The following SPRED2 variants were observed in gnomAD, a reference collection of about 807,000 sequenced individuals.
SPRED2 encodes sprouty related EVH1 domain containing 2.
In SPRED2, 47 loss-of-function variants were observed where a neutral mutation model predicts 43.0. The ratio of observed to expected loss-of-function variants is 1.09; its 90% CI spans 0.87 to 1.40. The LOEUF is 1.40. SPRED2 is among the 40% of genes most tolerant of loss of function. The pLI is 0.00. For synonymous variants in SPRED2, 225 were observed against 225.7 expected (o/e 1.00, Z 0.03); for missense variants, 561 against 586.4 (o/e 0.96, Z 0.45).
intron 5 of SPRED2, among the ~76,000 whole-genome samples, chr2:65,315,617 A>G (rs575100644): frequency 1.3e-5 from 2 of 152,360 alleles, no homozygotes; most frequent in East Asian, 3.9e-4. Flanking sequence ...ACAGTAAGGA[A>G]AGTAAAAAAG....
chr2:65,340,915 T>A (rs1674158659), intron 2 of SPRED2, among the ~76,000 whole-genome samples: 1 of 151,848 alleles, frequency 6.6e-6, no homozygotes, highest in African/African-American at 2.4e-5. Flanking sequence ...TAGAGGGGGG[T>A]TCCTCAATAA....
intron 4 of SPRED2, among the ~76,000 whole-genome samples, chr2:65,327,743 A>G: frequency 1.5e-5 from 1 of 67,654 alleles, no homozygotes; most frequent in Admixed American, 2.1e-4. Flanking sequence ...TTTTTTTTTG[A>G]GACGGAGTCT....
intron 1 of SPRED2, among the ~76,000 whole-genome samples, chr2:65,345,586 G>A (rs1266530558): frequency 6.6e-6 from 1 of 152,066 alleles, no homozygotes; most frequent in African/African-American, 2.4e-5. Context: ...ACGGTATTAT[G>A]GTTTCAACCC....
intron 1 of SPRED2, among the ~76,000 whole-genome samples, chr2:65,410,458 G>A (rs1246419479): frequency 6.6e-6 from 1 of 151,980 alleles, no homozygotes; most frequent in African/African-American, 2.4e-5. Flanking sequence ...CCACTCACTA[G>A]GTAAAAATGG....
intron 1 of SPRED2, among the ~76,000 whole-genome samples, chr2:65,430,648 C>T (rs1676655712): frequency 1.3e-5 from 2 of 152,120 alleles, no homozygotes; most frequent in South Asian, 4.1e-4. Flanking sequence ...AGCACGCCTT[C>T]CGAAGCCCAC....
At chr2:65,370,276 C>G (rs906932965) in intron 1 of SPRED2, among the ~76,000 whole-genome samples, 1 of 152,192 alleles carries the variant, frequency 6.6e-6, no homozygotes, top group African/African-American at 2.4e-5. Context: ...GCAACAAGTA[C>G]TTAGCATAGA....
At chr2:65,352,490 A>G (rs1167165899) in intron 1 of SPRED2, among the ~76,000 whole-genome samples, 1 of 152,248 alleles carries the variant, frequency 6.6e-6, no homozygotes, top group Admixed American at 6.5e-5. Flanking sequence ...ACTATGCTCT[A>G]TGTTTATCAA....
chr2:65,308,217 G>C (rs1013440065), downstream of SPRED2: 51 of 819,086 alleles, frequency 6.2e-5, no homozygotes, highest in Middle Eastern at 1.2e-3. Flanking sequence ...GGGAGGTTCA[G>C]GCAGGCAGTA....
chr2:65,379,224 TC>T (rs1302797541), intron 1 of SPRED2, among the ~76,000 whole-genome samples: 3 of 152,250 alleles, frequency 2.0e-5, no homozygotes, highest in African/African-American at 7.2e-5. Context: ...CATTGAGTGT[TC>T]CCCCTCACCC....
intron 2 of SPRED2, among the ~76,000 whole-genome samples, chr2:65,339,734 A>G (rs1674125345): frequency 1.2e-5 from 1 of 81,086 alleles, no homozygotes. Flanking sequence ...AAAAAATCCT[A>G]AAAAAAAAAA....
At chr2:65,395,488 TCACAC>T (rs1675738889) in intron 1 of SPRED2, among the ~76,000 whole-genome samples, 1 of 152,136 alleles carries the variant, frequency 6.6e-6, no homozygotes, top group South Asian at 2.1e-4. Context: ...CCCAACTCCC[TCACAC>T]TCATCCATTC....
intron 1 of SPRED2, among the ~76,000 whole-genome samples, chr2:65,400,402 C>A (rs1675858251): frequency 2.6e-5 from 4 of 152,208 alleles, no homozygotes; most frequent in Non-Finnish European, 5.9e-5. Context: ...CAGAAAAAAA[C>A]AAGTTGTCAG....
chr2:65,363,005 G>GTTTTTTTTTTTT (rs113081105), intron 1 of SPRED2, among the ~76,000 whole-genome samples: 7 of 121,072 alleles, frequency 5.8e-5, no homozygotes, highest in African/African-American at 1.9e-4. Flanking sequence ...ATCATGTTTT[G>GTTTTTTTTTTTT]TTTTTTTTTT....
chr2:65,399,914 C>T (rs1042119233), intron 1 of SPRED2, among the ~76,000 whole-genome samples: 3 of 152,072 alleles, frequency 2.0e-5, no homozygotes, highest in Non-Finnish European at 4.4e-5. Context: ...GAAAATACCA[C>T]TAAAGAACTT....
Position 65,408,966 on chromosome 2 carries a change from C to T in SPRED2, c.26+22996G>A, listed in dbSNP as rs17030249. Among the ~76,000 whole-genome samples the T allele has an allele frequency of 8.1e-3, 1,230 of 152,290 alleles. 16 individuals are homozygous for T. The highest frequency in any genetic ancestry group is 0.028 in the African/African-American group (1,152 of 41,544). On this transcript the variant is annotated intron_variant, in intron 1 of 5. Transcript: ENST00000356388. ...CCTATAGTCCTTAGCCTGTGTGAGACCACAATTACCTGTAGATATCTCAAA... is the reference window on the plus strand; with the variant it reads ...CCTATAGTCCTTAGCCTGTGTGAGATCACAATTACCTGTAGATATCTCAAA...
chr2:65,325,328 C>A (rs572385803), intron 4 of SPRED2, among the ~76,000 whole-genome samples: 1 of 152,154 alleles, frequency 6.6e-6, no homozygotes, highest in African/African-American at 2.4e-5. Flanking sequence ...TTGAATAGGG[C>A]CATAGAAAAC....
Position 65,313,546 on chromosome 2 carries a change from T to C in SPRED2, c.1212A>G (p.Gly404=). 1.2e-6 allele frequency: 2 copies of C among 1,613,242 alleles called. No homozygotes were observed. Among genetic ancestry groups the C allele is most frequent in the Non-Finnish European group, 1.7e-6 (2 of 1,179,610 alleles). Residue 404 remains glycine (G), a synonymous_variant, in exon 6 of 6, where the codon GGA becomes GGG. Coordinates refer to ENST00000356388, the MANE Select transcript of SPRED2 (RefSeq NM_181784.3). Reference sequence around the variant, plus strand: ...TCCCGCCACAGCACCTGCACATCACTCCGCAGTGGTAGCAGGCCCGAAGGG... The same window carrying C: ...TCCCGCCACAGCACCTGCACATCACCCCGCAGTGGTAGCAGGCCCGAAGGG... ...YLPLRACYHC[G]VMCRCCGGKH... is the part of the protein sequence containing the mutation.
rs570718145 is a variant in SPRED2, at chr2:65,393,934, T to G, written c.26+38028A>C. Among the ~76,000 whole-genome samples, 402 of 152,316 alleles carry G rather than the reference T, an allele frequency of 2.6e-3. 1 individual carries two copies. Among genetic ancestry groups the G allele is most frequent in the Non-Finnish European group, 4.5e-3 (303 of 68,026 alleles). Reference sequence around the variant, plus strand: ...CTGGCACCTAATAGCTGGGGGGTCTTGAGCAAGCTTCTAAACCTTCTGAAC... The same window carrying G: ...CTGGCACCTAATAGCTGGGGGGTCTGGAGCAAGCTTCTAAACCTTCTGAAC... On this transcript the variant is annotated intron_variant, in intron 1 of 5. Transcript: ENST00000356388.
At chr2:65,344,941 G>A (rs764268900) in intron 1 of SPRED2, 45 bp from the exon 2 acceptor site, 2 of 1,562,332 alleles carry the variant, frequency 1.3e-6, no homozygotes, top group Non-Finnish European at 1.7e-6. Flanking sequence ...CAATGGTCTG[G>A]TAGTTGCAGA....
Sources: allele counts gnomAD v4.1 joint callset (sites outside exome capture counted in the v4.1 genomes callset), GRCh38; gene constraint gnomAD v4.1.1; transcripts MANE v1.5; gene names NCBI Gene and HGNC (gene_info 2026-07-23, HGNC 2026-07-21).